ARPP21: variants seen among roughly 807,000 people sequenced by gnomAD.
The protein encoded by ARPP21 is cAMP-regulated phosphoprotein 21.
A neutral mutation model predicts 113.2 loss-of-function variants in ARPP21; 69 were observed. That is an observed-to-expected ratio of 0.61 (90% CI 0.50 to 0.74). The LOEUF (loss-of-function observed/expected upper bound fraction) is 0.74, where lower values mean the gene tolerates loss of function less well. ARPP21 is among the 30% of genes least tolerant of loss of function. ARPP21 has a pLI of 0.00. For missense variants in ARPP21, 1,070 were observed against 1,037.4 expected, an observed-to-expected ratio of 1.03 and a Z score of -0.43; for synonymous variants, 368 against 375.5, an observed-to-expected ratio of 0.98 and a Z score of 0.23.
upstream of ARPP21, among the ~76,000 whole-genome samples, chr3:35,639,366 C>T (rs377107845): frequency 1.3e-5 from 2 of 152,150 alleles, no homozygotes; most frequent in East Asian, 3.9e-4. This position sits in a 1 kb window ranked among gnomAD's most constrained non-coding sequence, Gnocchi z 5.0. Context: ...GTCTGGGGCC[C>T]GGGGTCTCCG....
chr3:35,659,529 C>T (rs758795525), intron 1 of ARPP21, among the ~76,000 whole-genome samples: 9 of 152,082 alleles, frequency 5.9e-5, no homozygotes, highest in Non-Finnish European at 1.3e-4. Flanking sequence ...ATAAACAAAG[C>T]ACAATCCCTG....
At chr3:35,715,959 A>G (rs1256970592) in intron 12 of ARPP21, among the ~76,000 whole-genome samples, 1 of 152,138 alleles carries the variant, frequency 6.6e-6, no homozygotes. Flanking sequence ...ATTTTTCTTC[A>G]TAAAAGACTT....
At chr3:35,640,810 G>T (rs1219917735) in intron 1 of ARPP21, among the ~76,000 whole-genome samples, 1 of 152,202 alleles carries the variant, frequency 6.6e-6, no homozygotes, top group East Asian at 1.9e-4. Flanking sequence ...GAATAGAAAA[G>T]ATGTTCAGTT....
rs116817854 is a variant in ARPP21, at chr3:35,649,201, G to A, written c.-213+8803G>A. On this transcript the variant is annotated intron_variant, in intron 1 of 20. Coordinates refer to ENST00000684406, the MANE Select transcript of ARPP21 (RefSeq NM_001385562.1). ...ACCTACTCTAAATAAGGTTTTAATT[G>A]TATTTTTTCCCTGAAGTTTCAGCTT... Among the ~76,000 whole-genome samples the A allele has an allele frequency of 4.5e-3, 679 of 152,232 alleles. 4 individuals are homozygous for A. The highest frequency in any genetic ancestry group is 0.016 in the African/African-American group (647 of 41,544).
intron 1 of ARPP21, among the ~76,000 whole-genome samples, chr3:35,669,014 A>C (rs756211127): frequency 2.6e-5 from 4 of 152,092 alleles, no homozygotes; most frequent in Admixed American, 6.6e-5. Flanking sequence ...TTTTGTTTTC[A>C]CAGTTTTACA....
chr3:35,735,711 T>C (rs1164800661), intron 15 of ARPP21, among the ~76,000 whole-genome samples: 1 of 152,220 alleles, frequency 6.6e-6, no homozygotes, highest in East Asian at 1.9e-4. Context: ...TCTCTAAGTA[T>C]TTTGCTCAGG....
At position 35,681,834 on chromosome 3, in the gene ARPP21, T is replaced by C; in HGVS notation, c.83T>C (p.Ile28Thr). The change falls in exon 3 of 21, where the codon ATT becomes ACT. Residue 28 changes from isoleucine (I) to threonine (T), a missense_variant. Transcript: ENST00000684406. ...GAGACGGCCACTCCAGAGAACGGCA[T>C]TGTTAAATCAGAAAGTCTGGATGAA... ...EQETATPENG[I>T]VKSESLDEEE... 6.2e-7 allele frequency: 1 copy of C among 1,612,158 alleles called. No individual in the cohort carries two copies. The highest frequency in any genetic ancestry group is 2.2e-5 in the East Asian group (1 of 44,754).
chr3:35,654,572 ATTGT>A (rs1384760742), intron 1 of ARPP21, among the ~76,000 whole-genome samples: 15 of 152,202 alleles, frequency 9.9e-5, no homozygotes, highest in African/African-American at 3.6e-4. Context: ...TTCTTCGCAG[ATTGT>A]TTGTCCTCAA....
intron 16 of ARPP21, among the ~76,000 whole-genome samples, chr3:35,737,840 T>C (rs1006209025): frequency 6.6e-6 from 1 of 152,186 alleles, no homozygotes; most frequent in African/African-American, 2.4e-5. Flanking sequence ...GGAGCTGCCC[T>C]CCTTTGCTGG....
At position 35,687,785 on chromosome 3, in the gene ARPP21, A is replaced by G. The variant is rs761431406; in HGVS notation, c.308A>G (p.Glu103Gly). ...QLSSFSSLQE[E>G]DKSRKDDSER... is the part of the protein sequence containing the mutation. Reference sequence around the variant, plus strand: ...TCCAGTTTTTCCAGCCTGCAAGAGGAGGATAAATCTAGGAAAGATGACTCT... The same window carrying G: ...TCCAGTTTTTCCAGCCTGCAAGAGGGGGATAAATCTAGGAAAGATGACTCT... Residue 103 changes from glutamate (E) to glycine (G), a missense_variant, in exon 6 of 21, where the codon GAG (glutamate) becomes GGG (glycine). Transcript: ENST00000684406. The G allele has an allele frequency of 1.2e-6, 2 of 1,606,026 alleles. No individual in the cohort carries two copies. Among genetic ancestry groups the G allele is most frequent in the Admixed American group, 3.4e-5 (2 of 58,786 alleles).
At chr3:35,692,353 T>G (rs2082478506) in intron 9 of ARPP21, among the ~76,000 whole-genome samples, 1 of 151,692 alleles carries the variant, frequency 6.6e-6, no homozygotes. Flanking sequence ...ATATCTTCCC[T>G]CTCCATGCAA....
intron 1 of ARPP21, among the ~76,000 whole-genome samples, chr3:35,648,565 C>G (rs1701153543): frequency 6.6e-6 from 1 of 152,174 alleles, no homozygotes; most frequent in African/African-American, 2.4e-5. Context: ...GCTGTTTGGA[C>G]AGGGCCGCTG....
At chr3:35,782,199 AG>A (rs2096540519) in intron 19 of ARPP21, among the ~76,000 whole-genome samples, 1 of 152,208 alleles carries the variant, frequency 6.6e-6, no homozygotes, top group African/African-American at 2.4e-5. Flanking sequence ...TGGAAATTTC[AG>A]TTGATTGTCC....
At chr3:35,712,512 GTC>G (rs1310693046) in intron 11 of ARPP21, among the ~76,000 whole-genome samples, 4,858 of 116,024 alleles carry the variant, frequency 0.042, 265 homozygotes, top group African/African-American at 0.14. Context: ...TGTCTAAGGT[GTC>G]TGTGTGTGTG....
At position 35,721,761 on chromosome 3, in the gene ARPP21, T is replaced by TG; in HGVS notation, c.1157dup (p.Ile387HisfsTer8). 6.2e-7 allele frequency: 1 copy of TG among 1,613,800 alleles called. No homozygotes were observed. The highest frequency in any genetic ancestry group is 1.1e-5 in the South Asian group (1 of 91,008). On this transcript the variant is annotated frameshift_variant, in exon 14 of 21. Coordinates refer to ENST00000684406, the MANE Select transcript of ARPP21 (RefSeq NM_001385562.1). LOFTEE classifies it high-confidence loss of function. ...CCGCCATGACCAAGACGGCGAGTTT[T>TG]GGGGGCATCACGGTGCTGACCAGGG... is the stretch of plus-strand genomic sequence containing the variant.
chr3:35,784,529 T>C (rs960210726), intron 19 of ARPP21, among the ~76,000 whole-genome samples: 2 of 152,220 alleles, frequency 1.3e-5, no homozygotes, highest in African/African-American at 2.4e-5. Flanking sequence ...CCAGAAATCA[T>C]AGACTCATGT....
chr3:35,695,577 A>T (rs1026829608), intron 9 of ARPP21, among the ~76,000 whole-genome samples: 3 of 151,564 alleles, frequency 2.0e-5, no homozygotes, highest in African/African-American at 7.3e-5. Context: ...TAACTGAAGG[A>T]ACAGTATACC....
At chr3:35,786,697 G>T (rs1271985297) in intron 19 of ARPP21, among the ~76,000 whole-genome samples, 1 of 151,992 alleles carries the variant, frequency 6.6e-6, no homozygotes, top group African/African-American at 2.4e-5. Context: ...TATCTCCTGG[G>T]AGTTGAATTA....
chr3:35,691,352 C>A (rs2149646840), intron 9 of ARPP21, among the ~76,000 whole-genome samples: 1 of 151,716 alleles, frequency 6.6e-6, no homozygotes, highest in South Asian at 2.1e-4. Context: ...TTTAAATGAC[C>A]ATGACATACA....
Sources: gnomAD v4.1 joint callset for allele counts (sites outside exome capture counted in the v4.1 genomes callset) on GRCh38, gnomAD v4.1.1 for gene constraint, Gnocchi (gnomAD v3.1) non-coding constraint, MANE v1.5 for transcripts, NCBI Gene and HGNC (gene_info 2026-07-23, HGNC 2026-07-21) for gene names.